SNTG1: variants seen among roughly 807,000 people sequenced by gnomAD.
SNTG1 encodes gamma-1-syntrophin.
Under a neutral mutation model 74.7 loss-of-function variants are expected in SNTG1, and 39 were observed. That is an observed-to-expected ratio of 0.52 (90% CI 0.40 to 0.68). The LOEUF is 0.68. SNTG1 is among the 30% of genes least tolerant of loss of function. The pLI, the probability that SNTG1 is intolerant of heterozygous loss-of-function variation, is 0.00. For missense variants in SNTG1, 685 were observed against 609.5 expected (o/e 1.12, Z -1.30); for synonymous variants, 254 against 217.1 (o/e 1.17, Z -1.49).
At chr8:50,645,261 A>T (rs2095101054) in intron 13 of SNTG1, among the ~76,000 whole-genome samples, 1 of 151,594 alleles carries the variant, frequency 6.6e-6, no homozygotes, top group Non-Finnish European at 1.5e-5. Context: ...TTGTGTATAA[A>T]CTTCTGGTAA....
At chr8:50,210,804 A>C (rs2084484452) in intron 2 of SNTG1, among the ~76,000 whole-genome samples, 1 of 152,142 alleles carries the variant, frequency 6.6e-6, no homozygotes, top group Non-Finnish European at 1.5e-5. Flanking sequence ...AAAAACAAAA[A>C]CAAAAACAAA....
chr8:50,452,091 C>CCACGG (rs2093462967), intron 8 of SNTG1, among the ~76,000 whole-genome samples: 1 of 152,140 alleles, frequency 6.6e-6, no homozygotes, highest in African/African-American at 2.4e-5. Flanking sequence ...CTGTGAAAAG[C>CCACGG]CACGGCTGCA....
chr8:50,508,216 C>T (rs1452773041), intron 9 of SNTG1, among the ~76,000 whole-genome samples: 2 of 152,110 alleles, frequency 1.3e-5, no homozygotes, highest in Non-Finnish European at 2.9e-5. Flanking sequence ...TTATGGTTTC[C>T]AGTTTCATCC....
intron 2 of SNTG1, among the ~76,000 whole-genome samples, chr8:50,306,594 T>C (rs1054146747): frequency 6.6e-6 from 1 of 152,050 alleles, no homozygotes; most frequent in Non-Finnish European, 1.5e-5. Context: ...GCCATTCTGG[T>C]ACGAGTAAGG....
chr8:49,971,920 C>T (rs189392565), intron 1 of SNTG1, among the ~76,000 whole-genome samples: 175 of 152,260 alleles, frequency 1.1e-3, no homozygotes, highest in Admixed American at 2.1e-3. Context: ...GAATCAATAT[C>T]ATGAAAATGG....
In SNTG1 at chr8:50,704,652, C is replaced by A; in HGVS notation, c.1091C>A (p.Ser364Tyr). ...CAGTGCTTCACCGTGCAGTCTGAGTCTGGGGAGGACCTGTACTTCTCAGTG... is the reference window on the plus strand; with the variant it reads ...CAGTGCTTCACCGTGCAGTCTGAGTATGGGGAGGACCTGTACTTCTCAGTG... ...RKQCFTVQSE[S>Y]GEDLYFSVEL... Residue 364 changes from serine (S) to tyrosine (Y), a missense_variant, in exon 16 of 19, where the codon TCT becomes TAT. Physicochemically the swap from Ser to Tyr is moderately radical, Grantham distance 144 (BLOSUM62 -2). Coordinates refer to ENST00000642720, the MANE Select transcript of SNTG1 (RefSeq NM_018967.5). 1 of 1,614,076 alleles carries A rather than the reference C, an allele frequency of 6.2e-7. No individual in the cohort carries two copies. The highest frequency in any genetic ancestry group is 8.5e-7 in the Non-Finnish European group (1 of 1,180,018).
At chr8:50,248,420 C>T (rs1025263599) in intron 2 of SNTG1, among the ~76,000 whole-genome samples, 1 of 152,186 alleles carries the variant, frequency 6.6e-6, no homozygotes, top group Non-Finnish European at 1.5e-5. Flanking sequence ...TGTTCTTATA[C>T]ATCTTTGCAT....
chr8:50,475,516 T>C lies in SNTG1; in HGVS notation c.363+24787T>C, dbSNP rs576185586. On this transcript the variant is annotated intron_variant, in intron 8 of 18. Coordinates refer to ENST00000642720, the MANE Select transcript of SNTG1 (RefSeq NM_018967.5). ...GAATGGCAATGCTGAAATGGCCAAATGCCAGAGTCAGATGCCATTTCCGTG... is the reference window on the plus strand; with the variant it reads ...GAATGGCAATGCTGAAATGGCCAAACGCCAGAGTCAGATGCCATTTCCGTG... Among the ~76,000 whole-genome samples the C allele has an allele frequency of 1.9e-3, 292 of 152,250 alleles. 2 individuals carry two copies. The highest frequency in any genetic ancestry group is 6.5e-3 in the African/African-American group (272 of 41,556).
intron 1 of SNTG1, among the ~76,000 whole-genome samples, chr8:50,116,638 G>A (rs909933230): frequency 1.3e-5 from 2 of 152,278 alleles, no homozygotes; most frequent in African/African-American, 2.4e-5. Context: ...GCAGGCCTAC[G>A]TGAAGTTTTA....
chr8:49,990,448 T>A (rs990898988), intron 1 of SNTG1, among the ~76,000 whole-genome samples: 35 of 152,000 alleles, frequency 2.3e-4, no homozygotes, highest in African/African-American at 8.5e-4. Flanking sequence ...TCATATGAAA[T>A]GCAATGGATC....
At chr8:50,530,654 T>A (rs2094259599) in intron 10 of SNTG1, among the ~76,000 whole-genome samples, 1 of 152,214 alleles carries the variant, frequency 6.6e-6, no homozygotes, top group Non-Finnish European at 1.5e-5. Flanking sequence ...AGGATTTTTT[T>A]AGCCAACTTT....
chr8:50,636,619 C>G (rs1260670084), intron 13 of SNTG1, among the ~76,000 whole-genome samples: 1 of 152,126 alleles, frequency 6.6e-6, no homozygotes, highest in Non-Finnish European at 1.5e-5. Context: ...CTCCTCTTGC[C>G]AAGCTGTCAC....
intron 8 of SNTG1, among the ~76,000 whole-genome samples, chr8:50,494,528 A>G (rs1342826314): frequency 6.6e-6 from 1 of 152,072 alleles, no homozygotes; most frequent in Non-Finnish European, 1.5e-5. Flanking sequence ...TTTTCAAAGT[A>G]GAACTTTTAT....
intron 1 of SNTG1, among the ~76,000 whole-genome samples, chr8:50,168,979 A>G (rs1419526740): frequency 6.6e-6 from 1 of 152,212 alleles, no homozygotes; most frequent in African/African-American, 2.4e-5. Context: ...TATCATATGT[A>G]TATTTCTGTG....
rs34942560 is a variant in SNTG1 at position 50,112,515 on chromosome 8, C to CTTTT, written c.-102-60024_-102-60021dup. Among the ~76,000 whole-genome samples the CTTTT allele has an allele frequency of 9.2e-3, 711 of 77,552 alleles. 1 individual carries two copies. Among genetic ancestry groups the CTTTT allele is most frequent in the African/African-American group, 0.011 (220 of 19,460 alleles). 50.9% of individuals were successfully genotyped at this position (77,552 alleles called of 152,430 possible). ...AGCATACACAAGTATTTAGTTCTTT[C>CTTTT]TTTTTTTTTTTTTTTTTTTTTTTTT... On this transcript the variant is annotated intron_variant, in intron 1 of 18. Coordinates refer to ENST00000642720, the MANE Select transcript of SNTG1 (RefSeq NM_018967.5).
chr8:50,577,656 A>G (rs866217085), intron 12 of SNTG1, among the ~76,000 whole-genome samples: 18 of 152,128 alleles, frequency 1.2e-4, no homozygotes, highest in African/African-American at 4.3e-4. Flanking sequence ...AATATGGAAC[A>G]CTGTGTTATA....
At chr8:50,158,400 C>A (rs2082316639) in intron 1 of SNTG1, among the ~76,000 whole-genome samples, 1 of 152,024 alleles carries the variant, frequency 6.6e-6, no homozygotes, top group Admixed American at 6.6e-5. Flanking sequence ...GGAAGATGAC[C>A]ATCAGAGAGC....
chr8:50,546,325 G>A lies in SNTG1; in HGVS notation c.681-6725G>A, dbSNP rs143887928. 1.2e-4 allele frequency among the ~76,000 whole-genome samples: 18 copies of A among 151,988 alleles called. No homozygotes were observed. In the East Asian group the frequency reaches 2.9e-3, roughly 25 times the overall value. ...TCATAAAATGTGATGAGGGGGAAAG[G>A]GGAATATAAAATTTAAGCATATCAT... is the stretch of plus-strand genomic sequence containing the variant. On this transcript the variant is annotated intron_variant, in intron 11 of 18. Transcript: ENST00000642720.
intron 11 of SNTG1, 114 bp downstream of exon 11, chr8:50,536,922 G>A (rs2094312495): frequency 7.9e-7 from 1 of 1,267,948 alleles, no homozygotes; most frequent in African/African-American, 1.5e-5. Context: ...TTTGATAGTA[G>A]AAAGAAGAGC....
Sources: gnomAD v4.1 joint callset for allele counts (sites outside exome capture counted in the v4.1 genomes callset) on GRCh38, gnomAD v4.1.1 for gene constraint, MANE v1.5 for transcripts, NCBI Gene and HGNC (gene_info 2026-07-23, HGNC 2026-07-21) for gene names.